Variants in CSMD2 observed in about 807,000 individuals in gnomAD.
The protein encoded by CSMD2 is CUB and Sushi multiple domains 2, also known as CUB and sushi domain-containing protein 2.
Under a neutral mutation model 398.5 loss-of-function variants are expected in CSMD2, and 130 were observed. That is an observed-to-expected ratio of 0.33 (90% CI 0.28 to 0.38). The LOEUF is 0.38. Among genes scored for constraint, CSMD2 ranks in the 10% least tolerant of loss-of-function variants. The probability of loss-of-function intolerance (pLI) is 1.00; values close to 1 mark genes in which losing one functional copy is unlikely to be tolerated. For synonymous variants in CSMD2, 1,828 were observed against 1,908.5 expected (o/e 0.96, Z 1.10); for missense variants, 3,829 against 4,764.9 (o/e 0.80, Z 5.78).
chr1:34,087,989 C>G (rs867246661), intron 2 of CSMD2, among the ~76,000 whole-genome samples: 4 of 152,168 alleles, frequency 2.6e-5, no homozygotes, highest in Admixed American at 6.5e-5. Flanking sequence ...GATGCCCCCC[C>G]GCCTCTGCTG....
chr1:34,099,660 C>T (rs761689535), intron 1 of CSMD2, among the ~76,000 whole-genome samples: 2 of 152,150 alleles, frequency 1.3e-5, no homozygotes, highest in South Asian at 2.1e-4. Context: ...GTAGAATAGT[C>T]GGAGAGGATC....
In CSMD2 at chr1:34,150,075, C is replaced by CTTTTTTTTTTTTTTTTTTTT. The variant is rs201785327; in HGVS notation, c.187+14835_187+14836insAAAAAAAAAAAAAAAAAAAA. On this transcript the variant is annotated intron_variant, in intron 1 of 70. Coordinates refer to ENST00000373381, the MANE Select transcript of CSMD2 (RefSeq NM_001281956.2). ...AGACCTGGAAATCTACATTTTTCTT[C>CTTTTTTTTTTTTTTTTTTTT]TTTCTTTTTTTTTTGTTTTTTTTTG... is the stretch of plus-strand genomic sequence containing the variant. Among the ~76,000 whole-genome samples the CTTTTTTTTTTTTTTTTTTTT allele has an allele frequency of 8.4e-5, 10 of 119,624 alleles. 4 individuals carry two copies. The highest frequency in any genetic ancestry group is 5.7e-4 in the South Asian group (2 of 3,538). 78.5% of individuals were successfully genotyped at this position (119,624 alleles called of 152,430 possible). A position where few individuals can be genotyped will look rare whatever the true frequency, so the allele number is the denominator to read the frequency against.
At chr1:33,837,105 C>G (rs1465329785) in intron 6 of CSMD2, among the ~76,000 whole-genome samples, 1 of 152,098 alleles carries the variant, frequency 6.6e-6, no homozygotes, top group African/African-American at 2.4e-5. Context: ...TATATATAGC[C>G]ATCTTGTTTT....
intron 2 of CSMD2, among the ~76,000 whole-genome samples, chr1:34,055,708 T>C (rs913453759): frequency 7.9e-5 from 12 of 152,320 alleles, no homozygotes; most frequent in East Asian, 3.9e-4. Context: ...GGAACCTCCA[T>C]GTGTTCTGCT....
intron 1 of CSMD2, among the ~76,000 whole-genome samples, chr1:34,090,596 G>A (rs1658448514): frequency 6.6e-6 from 1 of 151,026 alleles, no homozygotes; most frequent in Non-Finnish European, 1.5e-5. Flanking sequence ...ATCTAAGTAA[G>A]GCTCACCTAG....
chr1:33,796,045 C>A (rs1449978607), intron 10 of CSMD2, among the ~76,000 whole-genome samples: 1 of 152,206 alleles, frequency 6.6e-6, no homozygotes, highest in Non-Finnish European at 1.5e-5. Context: ...TGAACATAGC[C>A]ATACACAATG....
At position 33,820,370 on chromosome 1, in the gene CSMD2, C is replaced by A. The variant is rs1570110874; in HGVS notation, c.1199+99G>T. ...GTGTCTGTTCCTATATCCATGCCATCCTCTCCATTTCCACCTGCAGGAAGG... is the reference window on the plus strand; with the variant it reads ...GTGTCTGTTCCTATATCCATGCCATACTCTCCATTTCCACCTGCAGGAAGG... On this transcript the variant is annotated intron_variant, in intron 8 of 70. Coordinates refer to ENST00000373381, the MANE Select transcript of CSMD2 (RefSeq NM_001281956.2). 4 of 789,694 alleles carry A rather than the reference C, an allele frequency of 5.1e-6. No individual in the cohort carries two copies. In the East Asian group the frequency reaches 9.7e-5, roughly 19 times the overall value. The allele number at this position is 789,694 out of a possible 1,614,324, so 48.9% of individuals were successfully genotyped here.
At chr1:33,531,611 T>TA (rs1557489687) in intron 64 of CSMD2, among the ~76,000 whole-genome samples, 1 of 152,184 alleles carries the variant, frequency 6.6e-6, no homozygotes. Flanking sequence ...GTGATGTCCA[T>TA]ATGATGAGAT....
chr1:33,530,640 C>A (rs571805328), intron 64 of CSMD2, among the ~76,000 whole-genome samples: 27 of 152,284 alleles, frequency 1.8e-4, no homozygotes, highest in Admixed American at 3.3e-4. Context: ...GATATCTGCA[C>A]TCTCATGTTT....
At chr1:33,833,805 C>T (rs887701487) in intron 6 of CSMD2, among the ~76,000 whole-genome samples, 9 of 152,152 alleles carry the variant, frequency 5.9e-5, no homozygotes, top group South Asian at 4.1e-4. Context: ...TCAGCAGTCT[C>T]AGGATACAAA....
intron 24 of CSMD2, among the ~76,000 whole-genome samples, chr1:33,694,284 G>T (rs529885885): frequency 1.9e-4 from 29 of 152,268 alleles, no homozygotes; most frequent in African/African-American, 6.7e-4. Context: ...TAATGGGCAT[G>T]GGTTTTCTCT....
In CSMD2 at chr1:34,001,725, T is replaced by A. The variant is rs193047414; in HGVS notation, c.517+30869A>T. Among the ~76,000 whole-genome samples the A allele has an allele frequency of 7.2e-5, 11 of 152,226 alleles. No individual in the cohort carries two copies. The East Asian group carries it at 1.9e-3, about 27-fold the overall frequency. On this transcript the variant is annotated intron_variant, in intron 3 of 70. Transcript: ENST00000373381. ...GTGGTGAGTGTTAAATCCTATTAAA[T>A]ATGGAACTAAGATTACACAACCCTG...
rs750357513 is a variant in CSMD2 at position 33,519,683 on chromosome 1, G to A, written c.10737-6C>T. On this transcript the variant is annotated splice_polypyrimidine_tract_variant and splice_region_variant and intron_variant, in intron 69 of 70. Transcript: ENST00000373381. The surrounding 1 kb of genome is among the most constrained non-coding windows in gnomAD (Gnocchi z 5.6). ...AAGGAACTTTGGGTCTTCTCCTGGC[G>A]ATAAAAGAGGAAGTGCCCACGGCAT... 8.4e-5 allele frequency: 135 copies of A among 1,613,896 alleles called. No homozygotes were observed. Among genetic ancestry groups the A allele is most frequent in the Admixed American group, 3.5e-4 (21 of 59,990 alleles).
Position 33,724,335 on chromosome 1 carries a change from C to T in CSMD2, c.2885-22G>A, listed in dbSNP as rs764945811. ...AGAGCTACAGAAGGAGTGAAGAGGG[C>T]AGTGAAAGACCAGAGGGCCTCAGGG... On this transcript the variant is annotated intron_variant, in intron 18 of 70. Coordinates refer to ENST00000373381, the MANE Select transcript of CSMD2 (RefSeq NM_001281956.2). The T allele has an allele frequency of 1.9e-6, 3 of 1,579,298 alleles. No homozygotes were observed. In the South Asian group the frequency reaches 3.3e-5, roughly 18 times the overall value.
At chr1:33,896,944 A>C (rs6660246) in intron 5 of CSMD2, among the ~76,000 whole-genome samples, 55,774 of 151,326 alleles carry the variant, frequency 0.37, 11,703 homozygotes, top group East Asian at 0.59. Flanking sequence ...CAAGGAAGCC[A>C]TTGTGGCTGG....
At chr1:33,776,570 T>C (rs1652000889) in intron 12 of CSMD2, among the ~76,000 whole-genome samples, 1 of 152,054 alleles carries the variant, frequency 6.6e-6, no homozygotes, top group African/African-American at 2.4e-5. Flanking sequence ...CCGCCGAGGG[T>C]GCAGATGACT....
intron 39 of CSMD2, 126 bp from the exon 40 acceptor site, chr1:33,614,746 A>C (rs1641275713): frequency 1.0e-5 from 6 of 598,916 alleles, no homozygotes; most frequent in Non-Finnish European, 1.8e-5. Context: ...GCCCCTTGAG[A>C]ATCCAAAGGA....
At chr1:33,804,713 G>A in intron 10 of CSMD2, 1 of 717,314 alleles carries the variant, frequency 1.4e-6, no homozygotes, top group South Asian at 1.5e-5. Context: ...AAGGTGAGTG[G>A]ATAGGCAGTC....
chr1:33,777,576 A>C (rs1652165822), intron 12 of CSMD2, among the ~76,000 whole-genome samples: 1 of 152,238 alleles, frequency 6.6e-6, no homozygotes, highest in African/African-American at 2.4e-5. Context: ...AGAATTGCAA[A>C]TAGACAAATG....
Sources: gnomAD v4.1 joint callset for allele counts (sites outside exome capture counted in the v4.1 genomes callset) on GRCh38, gnomAD v4.1.1 for gene constraint, Gnocchi (gnomAD v3.1) non-coding constraint, MANE v1.5 for transcripts, NCBI Gene and HGNC (gene_info 2026-07-23, HGNC 2026-07-21) for gene names.